Variants in RGS17 observed in about 807,000 individuals in gnomAD.
RGS17 encodes the protein regulator of G protein signaling 17, also known as regulator of G-protein signaling 17.
Under a neutral mutation model 25.5 loss-of-function variants are expected in RGS17, and 12 were observed. The ratio of observed to expected loss-of-function variants is 0.47; its 90% CI spans 0.30 to 0.76. The LOEUF is 0.76. Among genes scored for constraint, RGS17 ranks in the 30% least tolerant of loss-of-function variants. RGS17 has a pLI of 0.07. For missense variants in RGS17, 196 were observed against 242.2 expected (o/e 0.81, Z 1.27); for synonymous variants, 71 against 76.9 (o/e 0.92, Z 0.40).
rs527593134 is a variant in RGS17, at chr6:153,081,986, C to T, written c.-25-37943G>A. The stretch of plus-strand genomic sequence containing the variant: ...ATAAAGCTTTTATTTAGGCTTCAAT[C>T]TTGAACGATAGATTGGGGAGAATAT... On this transcript the variant is annotated intron_variant, in intron 1 of 4. Coordinates refer to ENST00000206262, the MANE Select transcript of RGS17 (RefSeq NM_012419.5). 2.0e-5 allele frequency among the ~76,000 whole-genome samples: 3 copies of T among 152,268 alleles called. No individual in the cohort carries two copies. The South Asian group carries it at 6.2e-4, about 32-fold the overall frequency.
At chr6:153,059,711 A>C (rs1052291277) in intron 1 of RGS17, among the ~76,000 whole-genome samples, 3 of 152,202 alleles carry the variant, frequency 2.0e-5, no homozygotes, top group African/African-American at 7.2e-5. Context: ...AATTGTTCCT[A>C]ATGTTATTAT....
chr6:153,074,976 T>C (rs554172132), intron 1 of RGS17, among the ~76,000 whole-genome samples: 296 of 152,312 alleles, frequency 1.9e-3, no homozygotes, highest in Middle Eastern at 0.017. Flanking sequence ...CATGAAACCC[T>C]GCACTGCCCT....
chr6:153,018,247 A>G (rs1779205323), intron 4 of RGS17, among the ~76,000 whole-genome samples: 1 of 152,206 alleles, frequency 6.6e-6, no homozygotes, highest in African/African-American at 2.4e-5. Context: ...AATCTAAGGT[A>G]ACATCAGGAA....
At chr6:153,038,088 A>G (rs935206080) in intron 2 of RGS17, among the ~76,000 whole-genome samples, 1 of 152,198 alleles carries the variant, frequency 6.6e-6, no homozygotes, top group African/African-American at 2.4e-5. Context: ...ATGTAGAGTG[A>G]GTCAGCTTTG....
rs1202843553 is a variant in RGS17 at position 153,009,384 on chromosome 6, CATA to C, written c.*2187_*2189del. The C allele has an allele frequency of 6.6e-6, 1 of 151,898 alleles. No homozygotes were observed. The highest frequency in any genetic ancestry group is 2.4e-5 in the African/African-American group (1 of 41,386). 9.4% of individuals were successfully genotyped at this position (151,898 alleles called of 1,614,324 possible). ...TACTACACCATACATGTGTATATAT[CATA>C]GTAGCATAATAAACTCAATTCTAAG... On this transcript the variant is annotated 3_prime_UTR_variant, in exon 5 of 5. Transcript: ENST00000206262.
chr6:153,098,002 T>C (rs1407362635), intron 1 of RGS17, among the ~76,000 whole-genome samples: 1 of 152,124 alleles, frequency 6.6e-6, no homozygotes, highest in Non-Finnish European at 1.5e-5. Flanking sequence ...TTCTGCCTCT[T>C]GGGTAGTGGT....
chr6:153,126,477 T>C (rs1777706304), intron 1 of RGS17, among the ~76,000 whole-genome samples: 1 of 152,220 alleles, frequency 6.6e-6, no homozygotes, highest in African/African-American at 2.4e-5. Flanking sequence ...GCATTTCCTT[T>C]CCTTGTTTGC....
At chr6:153,083,370 T>A (rs1045929036) in intron 1 of RGS17, among the ~76,000 whole-genome samples, 6 of 152,204 alleles carry the variant, frequency 3.9e-5, no homozygotes, top group Non-Finnish European at 7.4e-5. Context: ...CATAATAGAT[T>A]TTTTAAAATT....
intron 1 of RGS17, among the ~76,000 whole-genome samples, chr6:153,066,645 T>C (rs913901824): frequency 6.6e-6 from 1 of 152,180 alleles, no homozygotes; most frequent in African/African-American, 2.4e-5. Flanking sequence ...AGATCATTCA[T>C]CATGACCCAG....
chr6:153,021,005 T>A (rs1024044647), intron 4 of RGS17, among the ~76,000 whole-genome samples: 1 of 152,186 alleles, frequency 6.6e-6, no homozygotes, highest in Non-Finnish European at 1.5e-5. Context: ...TAGAAACATG[T>A]ATAGAATTTC....
intron 1 of RGS17, among the ~76,000 whole-genome samples, chr6:153,107,006 G>A (rs1777393557): frequency 6.6e-6 from 1 of 151,994 alleles, no homozygotes; most frequent in Non-Finnish European, 1.5e-5. Flanking sequence ...TTCTCTTGAT[G>A]GCATCTCTGG....
chr6:153,121,028 C>G (rs1777623633), intron 1 of RGS17, among the ~76,000 whole-genome samples: 1 of 151,718 alleles, frequency 6.6e-6, no homozygotes, highest in African/African-American at 2.4e-5. Flanking sequence ...TAGGTCTTAT[C>G]TCTTTATTCT....
intron 1 of RGS17, among the ~76,000 whole-genome samples, chr6:153,116,309 AAC>A (rs1330291824): frequency 2.0e-5 from 3 of 152,208 alleles, no homozygotes; most frequent in Non-Finnish European, 4.4e-5. Flanking sequence ...ACAGCCAACA[AAC>A]ACATGAAAAA....
chr6:153,046,649 A>G (rs1776387902), intron 1 of RGS17, among the ~76,000 whole-genome samples: 1 of 152,164 alleles, frequency 6.6e-6, no homozygotes, highest in South Asian at 2.1e-4. Flanking sequence ...AATCCCGAAG[A>G]TGGTGCCAAG....
In RGS17 at chr6:153,105,574, G is replaced by A. The variant is rs115853316; in HGVS notation, c.-26+25550C>T. ...AAGCTCAGAATTATGATCATGCCAG[G>A]AGTAGCCAGAGACAGTTTAATTTAA... On this transcript the variant is annotated intron_variant, in intron 1 of 4. Transcript: ENST00000206262. Among the ~76,000 whole-genome samples, 267 of 152,236 alleles carry A rather than the reference G, an allele frequency of 1.8e-3. 1 individual carries two copies. The highest frequency in any genetic ancestry group is 6.2e-3 in the African/African-American group (259 of 41,532).
At chr6:153,016,279 G>A (rs1292704762) in intron 4 of RGS17, among the ~76,000 whole-genome samples, 1 of 152,248 alleles carries the variant, frequency 6.6e-6, no homozygotes, top group East Asian at 1.9e-4. Context: ...TATGCCAGAG[G>A]GAAATGCTGA....
chr6:153,078,302 A>G (rs1776916661), intron 1 of RGS17, among the ~76,000 whole-genome samples: 1 of 152,146 alleles, frequency 6.6e-6, no homozygotes, highest in Non-Finnish European at 1.5e-5. Flanking sequence ...TCACTTTGTC[A>G]ATTTCTACAA....
chr6:153,077,838 G>A (rs1399088252), intron 1 of RGS17, among the ~76,000 whole-genome samples: 2 of 151,396 alleles, frequency 1.3e-5, no homozygotes, highest in Admixed American at 1.3e-4. Context: ...GTTTATATTT[G>A]GAGTCTCTAA....
intron 1 of RGS17, among the ~76,000 whole-genome samples, chr6:153,098,951 C>T (rs1777256566): frequency 1.3e-5 from 2 of 151,986 alleles, no homozygotes; most frequent in Non-Finnish European, 1.5e-5. Flanking sequence ...TTTTTGGGGT[C>T]AATGTTAAGT....
Sources: allele counts gnomAD v4.1 joint callset (sites outside exome capture counted in the v4.1 genomes callset), GRCh38; gene constraint gnomAD v4.1.1; transcripts MANE v1.5; gene names NCBI Gene and HGNC (gene_info 2026-07-23, HGNC 2026-07-21).